Variants in NXPE2 observed in about 807,000 individuals in gnomAD.
The protein encoded by NXPE2 is neurexophilin and PC-esterase domain family member 2, also known as NXPE family member 2.
NXPE2 carries 34 observed loss-of-function variants against 34.4 expected under a neutral mutation model. The ratio of observed to expected loss-of-function variants is 0.99; its 90% CI spans 0.75 to 1.31. The LOEUF is 1.31. NXPE2 is among the 40% of genes most tolerant of loss of function. NXPE2 has a pLI of 0.00. For missense variants in NXPE2, 649 were observed against 672.5 expected, an observed-to-expected ratio of 0.97 and a Z score of 0.39; for synonymous variants, 235 against 231.3, an observed-to-expected ratio of 1.02 and a Z score of -0.15.
chr11:114,781,526 G>T, the NXPE2 span, among the ~76,000 whole-genome samples: 1 of 152,306 alleles, frequency 6.6e-6, no homozygotes, highest in East Asian at 1.9e-4. Flanking sequence ...GTGGTAAAAT[G>T]AGTTGGTGGG....
the NXPE2 span, chr11:114,513,286 G>A: frequency 6.0e-5 from 28 of 469,680 alleles, no homozygotes; most frequent in Non-Finnish European, 9.7e-5. Flanking sequence ...TTGTGTTCAT[G>A]TGGGTGAAAG....
At chr11:114,512,684 G>C in the NXPE2 span, 1 of 155,416 alleles carries the variant, frequency 6.4e-6, no homozygotes, top group African/African-American at 2.4e-5. Context: ...AAGTGATTGG[G>C]GCAGTTGTTA....
chr11:114,749,080 T>C, the NXPE2 span, among the ~76,000 whole-genome samples: 2 of 152,184 alleles, frequency 1.3e-5, no homozygotes, highest in Non-Finnish European at 2.9e-5. Flanking sequence ...TTTTGTTGCC[T>C]CAGCACTGGA....
At chr11:114,795,321 G>T in the NXPE2 span, among the ~76,000 whole-genome samples, 1 of 152,122 alleles carries the variant, frequency 6.6e-6, no homozygotes, top group Non-Finnish European at 1.5e-5. Flanking sequence ...GTAGGGATTG[G>T]CTACCCTCCT....
At chr11:114,523,044 C>T in the NXPE2 span, 11 of 1,613,636 alleles carry the variant, frequency 6.8e-6, no homozygotes, top group Non-Finnish European at 8.5e-6. Context: ...CCACCAGGGA[C>T]AGGAGGCTTC....
chr11:114,641,142 A>C, the NXPE2 span, among the ~76,000 whole-genome samples: 1 of 152,084 alleles, frequency 6.6e-6, no homozygotes, highest in South Asian at 2.1e-4. Flanking sequence ...GTATACAAAA[A>C]TCAAATTAGT....
the NXPE2 span, among the ~76,000 whole-genome samples, chr11:114,618,211 C>T: frequency 2.8e-4 from 42 of 152,038 alleles, no homozygotes; most frequent in African/African-American, 1.0e-3. Flanking sequence ...CATTGGTCAC[C>T]ACTGTTACCC....
chr11:114,518,848 T>C, the NXPE2 span, among the ~76,000 whole-genome samples: 1 of 152,248 alleles, frequency 6.6e-6, no homozygotes, highest in African/African-American at 2.4e-5. Context: ...GAAATTAATT[T>C]CTTGAGTTTA....
the NXPE2 span, chr11:114,571,513 T>C: frequency 1.3e-6 from 2 of 1,518,972 alleles, no homozygotes; most frequent in African/African-American, 2.8e-5. Context: ...AAGGAGGATA[T>C]AGTTACCAAG....
the NXPE2 span, among the ~76,000 whole-genome samples, chr11:114,651,426 G>T: frequency 6.6e-6 from 1 of 152,208 alleles, no homozygotes; most frequent in Non-Finnish European, 1.5e-5. Flanking sequence ...AACGTTTGCG[G>T]TGAGTGTTAC....
chr11:114,671,685 T>G, the NXPE2 span, among the ~76,000 whole-genome samples: 1 of 152,122 alleles, frequency 6.6e-6, no homozygotes, highest in South Asian at 2.1e-4. Flanking sequence ...ACAGAGTGTT[T>G]TATCTAGCAA....
chr11:114,707,036 A>C lies in NXPE2; in HGVS notation c.*106A>C. On this transcript the variant is annotated 3_prime_UTR_variant, in exon 6 of 6. Transcript: ENST00000389586. ...GTTTTGAGGAAACTAAATTTGAAAA[A>C]GTTCTATTAAAGTTAAATATATGTA... is the stretch of plus-strand genomic sequence containing the variant. 1 of 853,344 alleles carries C rather than the reference A, an allele frequency of 1.2e-6. No homozygotes were observed. Among genetic ancestry groups the C allele is most frequent in the East Asian group, 2.7e-5 (1 of 37,624 alleles). 52.9% of individuals were successfully genotyped at this position (853,344 alleles called of 1,614,324 possible). A position where few individuals can be genotyped will look rare whatever the true frequency, so the allele number is the denominator to read the frequency against.
chr11:114,720,038 T>C, the NXPE2 span, among the ~76,000 whole-genome samples: 1 of 152,204 alleles, frequency 6.6e-6, no homozygotes, highest in South Asian at 2.1e-4. Context: ...ACCTCTGCAA[T>C]GATCAAGTCT....
the NXPE2 span, chr11:114,582,160 A>T: frequency 2.2e-4 from 215 of 973,066 alleles, no homozygotes; most frequent in Non-Finnish European, 3.0e-4. Context: ...GAATTCACAG[A>T]TCCTTTCCCC....
At chr11:114,586,262 T>C in the NXPE2 span, among the ~76,000 whole-genome samples, 1 of 152,202 alleles carries the variant, frequency 6.6e-6, no homozygotes, top group Non-Finnish European at 1.5e-5. Context: ...TCACTCCTTG[T>C]ATGTCCATGT....
the NXPE2 span, among the ~76,000 whole-genome samples, chr11:114,651,447 G>A: frequency 3.3e-5 from 5 of 152,178 alleles, no homozygotes; most frequent in South Asian, 2.1e-4. Flanking sequence ...AGCTCATAAA[G>A]GTAGTGTGGA....
At chr11:114,616,365 C>G in the NXPE2 span, among the ~76,000 whole-genome samples, 2 of 151,378 alleles carry the variant, frequency 1.3e-5, no homozygotes, top group African/African-American at 4.9e-5. Flanking sequence ...CACGTGTAAC[C>G]ACTGTTACCC....
At chr11:114,669,535 C>A in the NXPE2 span, among the ~76,000 whole-genome samples, 2 of 152,048 alleles carry the variant, frequency 1.3e-5, no homozygotes, top group Admixed American at 1.3e-4. Context: ...CTCTACCCAG[C>A]CCCTACTTAT....
chr11:114,750,344 A>G, the NXPE2 span, among the ~76,000 whole-genome samples: 2 of 152,188 alleles, frequency 1.3e-5, no homozygotes, highest in Non-Finnish European at 2.9e-5. Context: ...AATATCTGCC[A>G]TGAGTAGTTT....
Sources: allele counts gnomAD v4.1 joint callset (sites outside exome capture counted in the v4.1 genomes callset), GRCh38; gene constraint gnomAD v4.1.1; transcripts MANE v1.5; gene names NCBI Gene and HGNC (gene_info 2026-07-23, HGNC 2026-07-21).